AGMO: variants seen among roughly 807,000 people sequenced by gnomAD.
AGMO encodes the protein alkylglycerol monooxygenase, also known as glyceryl-ether monooxygenase.
In AGMO, 75 loss-of-function variants were observed where a neutral mutation model predicts 60.2. That is an observed-to-expected ratio of 1.25 (90% CI 1.03 to 1.51). The LOEUF (loss-of-function observed/expected upper bound fraction) is 1.51. Among genes scored for constraint, AGMO ranks in the 40% most tolerant of loss-of-function variants. The probability of loss-of-function intolerance (pLI) is 0.00; values close to 1 mark genes in which losing one functional copy is unlikely to be tolerated. For synonymous variants in AGMO, 261 were observed against 177.1 expected (o/e 1.47, Z -3.76); for missense variants, 763 against 525.5 (o/e 1.45, Z -4.42).
In AGMO at chr7:15,418,750, T is replaced by C. The variant is rs916632370; in HGVS notation, c.514-97A>G. 52 of 730,514 alleles carry C rather than the reference T, an allele frequency of 7.1e-5. No homozygotes were observed. In the Admixed American group the frequency reaches 9.4e-4, roughly 13 times the overall value. 45.3% of individuals were successfully genotyped at this position (730,514 alleles called of 1,614,324 possible). A position where few individuals can be genotyped will look rare whatever the true frequency, so the allele number is the denominator to read the frequency against. On this transcript the variant is annotated intron_variant, in intron 4 of 12. Transcript: ENST00000342526. ...TCTGAATGCATATTTCTTTAGGAAA[T>C]ATATCTCATACTATATACTGTATAT... is the stretch of plus-strand genomic sequence containing the variant.
At chr7:15,131,913 C>G in the AGMO span, among the ~76,000 whole-genome samples, 7 of 152,108 alleles carry the variant, frequency 4.6e-5, no homozygotes, top group Non-Finnish European at 8.8e-5. Context: ...AAGGCAACCC[C>G]ACAGAGAAGG....
At chr7:15,473,651 C>G (rs1782514493) in intron 3 of AGMO, among the ~76,000 whole-genome samples, 1 of 152,036 alleles carries the variant, frequency 6.6e-6, no homozygotes, top group African/African-American at 2.4e-5. Flanking sequence ...AAAACCAGTA[C>G]AAGACAAGGA....
At position 15,440,604 on chromosome 7, in the gene AGMO, G is replaced by T. The variant is rs142430134; in HGVS notation, c.410-9496C>A. Among the ~76,000 whole-genome samples the T allele has an allele frequency of 1.6e-3, 242 of 152,270 alleles. No homozygotes were observed. In the Middle Eastern group the frequency reaches 0.017, roughly 11 times the overall value. On this transcript the variant is annotated intron_variant, in intron 3 of 12. Transcript: ENST00000342526. ...TTAGGTGTTACAGATAGGTAGTATG[G>T]TGCTCATGGTTTCACCTATAGGCAG...
At chr7:15,404,677 C>T (rs1784638246) in intron 5 of AGMO, among the ~76,000 whole-genome samples, 1 of 151,758 alleles carries the variant, frequency 6.6e-6, no homozygotes, top group African/African-American at 2.4e-5. Flanking sequence ...TCCAAAACTC[C>T]AATCCACAGT....
chr7:15,376,186 CTT>C (rs34597092), intron 10 of AGMO, among the ~76,000 whole-genome samples: 1 of 151,564 alleles, frequency 6.6e-6, no homozygotes, highest in South Asian at 2.1e-4. Flanking sequence ...GCCCACATTC[CTT>C]TTTTTTCCCC....
chr7:15,166,054 A>G, the AGMO span, among the ~76,000 whole-genome samples: 3 of 152,214 alleles, frequency 2.0e-5, no homozygotes, highest in African/African-American at 7.2e-5. Flanking sequence ...CTAACAAAAC[A>G]GACAACGACC....
the AGMO span, among the ~76,000 whole-genome samples, chr7:15,151,471 A>G: frequency 6.6e-6 from 1 of 151,984 alleles, no homozygotes; most frequent in Non-Finnish European, 1.5e-5. Flanking sequence ...AACTTTCAAC[A>G]CTGCTTTTGC....
the AGMO span, among the ~76,000 whole-genome samples, chr7:15,154,592 C>T: frequency 6.6e-6 from 1 of 152,142 alleles, no homozygotes; most frequent in East Asian, 1.9e-4. Context: ...GTACATTTAG[C>T]CAATATACAT....
intron 12 of AGMO, among the ~76,000 whole-genome samples, chr7:15,305,826 G>A (rs1047913056): frequency 2.6e-5 from 4 of 151,914 alleles, no homozygotes; most frequent in African/African-American, 9.7e-5. Flanking sequence ...CCTCCAGAAA[G>A]GCACTAAGAA....
chr7:15,292,378 G>A (rs1039126462), intron 12 of AGMO, among the ~76,000 whole-genome samples: 24 of 152,104 alleles, frequency 1.6e-4, no homozygotes, highest in Admixed American at 1.4e-3. Flanking sequence ...TTACATTGTC[G>A]GTTCTAGTGG....
chr7:15,516,221 C>T (rs1463837089), intron 3 of AGMO, among the ~76,000 whole-genome samples: 1 of 151,800 alleles, frequency 6.6e-6, no homozygotes, highest in Non-Finnish European at 1.5e-5. Context: ...ATAAAGATTG[C>T]TCATACTTAA....
rs1193196680 is a variant in AGMO, at chr7:15,219,084, TA to T, written c.1264-17726del. On this transcript the variant is annotated intron_variant, in intron 12 of 12. Coordinates refer to ENST00000342526, the MANE Select transcript of AGMO (RefSeq NM_001004320.2). ...ATTTACTGATCAAATTTGTATTAAG[TA>T]CCTCCATGCACTAATTATCTACACA... Among the ~76,000 whole-genome samples, 4 of 152,202 alleles carry T rather than the reference TA, an allele frequency of 2.6e-5. No homozygotes were observed. The East Asian group carries it at 5.8e-4, about 22-fold the overall frequency.
chr7:15,527,469 T>C (rs889451483), intron 3 of AGMO, among the ~76,000 whole-genome samples: 1 of 152,100 alleles, frequency 6.6e-6, no homozygotes, highest in Non-Finnish European at 1.5e-5. Flanking sequence ...GCTGCTGAAG[T>C]AAAGCTTGAA....
At chr7:15,134,938 T>C in the AGMO span, among the ~76,000 whole-genome samples, 1 of 152,050 alleles carries the variant, frequency 6.6e-6, no homozygotes, top group Non-Finnish European at 1.5e-5. Context: ...CGTTCACATA[T>C]TTTCAGTGAA....
intron 12 of AGMO, among the ~76,000 whole-genome samples, chr7:15,361,141 G>C (rs1427468889): frequency 6.6e-6 from 1 of 151,992 alleles, no homozygotes; most frequent in South Asian, 2.1e-4. Context: ...CTCCACAGTG[G>C]GCTGCTCACT....
At chr7:15,547,750 C>A (rs1784826972) in intron 2 of AGMO, among the ~76,000 whole-genome samples, 1 of 152,022 alleles carries the variant, frequency 6.6e-6, no homozygotes, top group African/African-American at 2.4e-5. Context: ...GGGGCGCCCG[C>A]CATTGCCCGG....
chr7:15,504,424 T>A (rs921762514), intron 3 of AGMO, among the ~76,000 whole-genome samples: 37 of 151,998 alleles, frequency 2.4e-4, no homozygotes, highest in Non-Finnish European at 1.0e-4. Context: ...TCTGTAAAGA[T>A]GAATTTCAAC....
At chr7:15,545,305 T>C (rs950648856) in intron 2 of AGMO, among the ~76,000 whole-genome samples, 1 of 152,164 alleles carries the variant, frequency 6.6e-6, no homozygotes, top group Non-Finnish European at 1.5e-5. Context: ...TTAAGAATTC[T>C]TTATAAAGGG....
the AGMO span, among the ~76,000 whole-genome samples, chr7:15,193,290 T>A: frequency 1.3e-5 from 2 of 152,180 alleles, no homozygotes; most frequent in Non-Finnish European, 2.9e-5. Flanking sequence ...CTCCAACATA[T>A]GTCATAGCTC....
Sources: allele counts gnomAD v4.1 joint callset (sites outside exome capture counted in the v4.1 genomes callset), GRCh38; gene constraint gnomAD v4.1.1; transcripts MANE v1.5; gene names NCBI Gene and HGNC (gene_info 2026-07-23, HGNC 2026-07-21).